The following NBEAL1 variants were observed in gnomAD, a reference collection of about 807,000 sequenced individuals.
NBEAL1 encodes the protein neurobeachin like 1.
A neutral mutation model predicts 351.3 loss-of-function variants in NBEAL1; 273 were observed. The ratio of observed to expected loss-of-function variants is 0.78; its 90% CI spans 0.70 to 0.86. NBEAL1 has a LOEUF of 0.86. Ranked by LOEUF, NBEAL1 falls within the 40% of genes least tolerant of loss-of-function variation. The pLI is 0.00. For synonymous variants in NBEAL1, 1,050 were observed against 1,086.4 expected (o/e 0.97, Z 0.66); for missense variants, 2,961 against 3,201.3 (o/e 0.92, Z 1.81).
intron 1 of NBEAL1, chr2:203,015,680 T>A (rs964945197): frequency 1.3e-5 from 2 of 152,410 alleles, no homozygotes; most frequent in African/African-American, 2.4e-5. Flanking sequence ...GCCAGGCTGG[T>A]CTCGAACTCC....
chr2:203,037,311 CTG>C (rs1047324348), intron 2 of NBEAL1, among the ~76,000 whole-genome samples: 5 of 149,108 alleles, frequency 3.4e-5, no homozygotes, highest in African/African-American at 1.2e-4. Flanking sequence ...GACTACATAA[CTG>C]AGACTCCTAA....
rs749431754 is a variant in NBEAL1 at position 203,197,357 on chromosome 2, G to A, written c.7094G>A (p.Arg2365His). 4.3e-5 allele frequency: 69 copies of A among 1,603,672 alleles called. No homozygotes were observed. Among genetic ancestry groups the A allele is most frequent in the African/African-American group, 6.7e-5 (5 of 74,852 alleles). ...LKATIPKNQY[R>H]SFMSQGSPEL... ...GCCACCATCCCCAAAAATCAGTATC[G>A]TTCTTTTATGTCTCAAGGCAGCCCT... Residue 2365 changes from arginine to histidine, a missense_variant, in exon 48 of 56, where the codon CGT becomes CAT. Transcript: ENST00000683969.
At position 203,127,828 on chromosome 2, in the gene NBEAL1, T is replaced by C. The variant is rs1311406097; in HGVS notation, c.3296T>C (p.Ile1099Thr). ...CTATCTCTAGATGATATTCGAACAA[T>C]AAGGACTTCTTTGTATGGACTAATT... ...NELSLDDIRTIRTSLYGLIKY... is the reference protein window; with the variant it reads ...NELSLDDIRTTRTSLYGLIKY... The change falls in exon 24 of 56, where the codon ATA becomes ACA. Residue 1099 changes from isoleucine to threonine, a missense_variant. Ile to Thr is a moderately conservative substitution (Grantham distance 89). Transcript: ENST00000683969. 3.9e-6 allele frequency: 6 copies of C among 1,531,528 alleles called. No individual in the cohort carries two copies. The highest frequency in any genetic ancestry group is 5.3e-6 in the Non-Finnish European group (6 of 1,127,598). 94.9% of individuals were successfully genotyped at this position (1,531,528 alleles called of 1,614,324 possible). A position where few individuals can be genotyped will look rare whatever the true frequency, so the allele number is the denominator to read the frequency against.
At chr2:203,107,566 G>C in intron 13 of NBEAL1, 42 bp from the exon 14 acceptor site, 5 of 1,541,740 alleles carry the variant, frequency 3.2e-6, no homozygotes, top group Non-Finnish European at 4.4e-6. Flanking sequence ...TATCCATTTT[G>C]AAAATGATAA....
intron 2 of NBEAL1, among the ~76,000 whole-genome samples, chr2:203,031,978 T>C (rs2060955610): frequency 6.6e-6 from 1 of 152,204 alleles, no homozygotes; most frequent in Admixed American, 6.5e-5. Context: ...ATTTCCGAAA[T>C]TAGGCTATGA....
At chr2:203,043,294 C>G (rs1331009074) in intron 3 of NBEAL1, among the ~76,000 whole-genome samples, 1 of 152,154 alleles carries the variant, frequency 6.6e-6, no homozygotes, top group East Asian at 1.9e-4. Context: ...TCCCCAGTTC[C>G]ATACCATTTC....
intron 6 of NBEAL1, chr2:203,061,742 C>G (rs1465731983): frequency 6.1e-6 from 1 of 163,630 alleles, no homozygotes; most frequent in South Asian, 1.7e-4. Context: ...GGGTTTCTCT[C>G]CACTATGAGT....
chr2:203,089,560 T>C (rs1474547169), intron 10 of NBEAL1, among the ~76,000 whole-genome samples: 2 of 152,292 alleles, frequency 1.3e-5, no homozygotes, highest in East Asian at 3.9e-4. Flanking sequence ...TGAAGTCTTA[T>C]GAAGCTCAAA....
chr2:203,167,473 G>A, intron 38 of NBEAL1, 113 bp downstream of exon 38: 1 of 1,076,296 alleles, frequency 9.3e-7, no homozygotes, highest in Non-Finnish European at 1.3e-6. Context: ...AAATGTTAGA[G>A]GAAAAAATAC....
At chr2:203,206,373 T>C (rs1323211321) in intron 51 of NBEAL1, among the ~76,000 whole-genome samples, 1 of 151,858 alleles carries the variant, frequency 6.6e-6, no homozygotes, top group Non-Finnish European at 1.5e-5. Flanking sequence ...AAAGAAAGCA[T>C]GTCTCTCCCT....
Position 203,024,551 on chromosome 2 carries a change from C to CAAA in NBEAL1, c.51+8127_51+8129dup, listed in dbSNP as rs59398616. Among the ~76,000 whole-genome samples, 5 of 131,754 alleles carry CAAA rather than the reference C, an allele frequency of 3.8e-5. No homozygotes were observed. In the East Asian group the frequency reaches 1.1e-3, roughly 30 times the overall value. 86.4% of individuals were successfully genotyped at this position (131,754 alleles called of 152,430 possible). A position where few individuals can be genotyped will look rare whatever the true frequency, so the allele number is the denominator to read the frequency against. On this transcript the variant is annotated intron_variant, in intron 2 of 55. Coordinates refer to ENST00000683969, the MANE Select transcript of NBEAL1 (RefSeq NM_001378026.1). ...TGGGCAATAGAGTGAGACTCTGTCT[C>CAAA]AAAAAAAAAAAAAGAAAAAAAGAAA...
intron 47 of NBEAL1, 151 bp from the exon 48 acceptor site, chr2:203,197,151 C>A: frequency 8.3e-6 from 4 of 482,776 alleles, no homozygotes; most frequent in South Asian, 8.3e-5. Context: ...TATATAATTC[C>A]TTTCCTTCAT....
chr2:203,151,321 GA>G, intron 34 of NBEAL1, 143 bp from the exon 35 acceptor site: 1 of 525,310 alleles, frequency 1.9e-6, no homozygotes, highest in Non-Finnish European at 3.0e-6. Context: ...AACAGAATGA[GA>G]CTCTGTCTCT....
chr2:203,163,475 CTT>C (rs1559027481), intron 36 of NBEAL1, among the ~76,000 whole-genome samples: 1 of 151,922 alleles, frequency 6.6e-6, no homozygotes, highest in Non-Finnish European at 1.5e-5. Flanking sequence ...TTTTATGAAT[CTT>C]GACAAATACT....
chr2:203,042,732 C>T (rs545287588), intron 3 of NBEAL1, among the ~76,000 whole-genome samples: 20 of 152,050 alleles, frequency 1.3e-4, no homozygotes, highest in Admixed American at 4.6e-4. Context: ...GGACTACAGG[C>T]GCACGCCACC....
At chr2:203,097,760 T>C (rs1263849045) in intron 11 of NBEAL1, 127 bp downstream of exon 11, 1 of 232,562 alleles carries the variant, frequency 4.3e-6, no homozygotes, top group Non-Finnish European at 7.1e-6. Context: ...TATTTATTAA[T>C]TATTTTTGAA....
At position 203,136,329 on chromosome 2, in the gene NBEAL1, A is replaced by G. The variant is rs1186057590; in HGVS notation, c.4389+77A>G. On this transcript the variant is annotated intron_variant, in intron 28 of 55. Coordinates refer to ENST00000683969, the MANE Select transcript of NBEAL1 (RefSeq NM_001378026.1). ...TACTTCTAATCCTTAGAAATATGTGAGCAGTTGTTAACAATTTCATATTGT... is the reference window on the plus strand; with the variant it reads ...TACTTCTAATCCTTAGAAATATGTGGGCAGTTGTTAACAATTTCATATTGT... 10 of 1,065,626 alleles carry G rather than the reference A, an allele frequency of 9.4e-6. No individual in the cohort carries two copies. In the East Asian group the frequency reaches 2.2e-4, roughly 23 times the overall value. 66.0% of individuals were successfully genotyped at this position (1,065,626 alleles called of 1,614,324 possible).
chr2:203,148,875 C>A, intron 33 of NBEAL1, 116 bp from the exon 34 acceptor site: 1 of 842,312 alleles, frequency 1.2e-6, no homozygotes, highest in Non-Finnish European at 1.7e-6. Context: ...GGTTACTTAG[C>A]TTCTTTCTCA....
At chr2:203,044,089 A>C (rs1400951871) in intron 3 of NBEAL1, among the ~76,000 whole-genome samples, 1 of 152,168 alleles carries the variant, frequency 6.6e-6, no homozygotes, top group Non-Finnish European at 1.5e-5. Flanking sequence ...AGCCCAGTTA[A>C]GAGATAATTG....
Sources: allele counts gnomAD v4.1 joint callset (sites outside exome capture counted in the v4.1 genomes callset), GRCh38; gene constraint gnomAD v4.1.1; transcripts MANE v1.5; gene names NCBI Gene and HGNC (gene_info 2026-07-23, HGNC 2026-07-21).